The following ANKRD26 variants were observed in gnomAD, a reference collection of about 807,000 sequenced individuals.
The protein encoded by ANKRD26 is ankyrin repeat domain-containing protein 26.
Under a neutral mutation model 208.7 loss-of-function variants are expected in ANKRD26, and 141 were observed. The ratio of observed to expected loss-of-function variants is 0.68; its 90% confidence interval spans 0.59 to 0.78. The LOEUF (loss-of-function observed/expected upper bound fraction) is 0.78, where lower values mean the gene tolerates loss of function less well. Among genes scored for constraint, ANKRD26 ranks in the 30% least tolerant of loss-of-function variants. The pLI, the probability that ANKRD26 is intolerant of heterozygous loss-of-function variation, is 0.00. For synonymous variants in ANKRD26, 636 were observed against 660.4 expected (o/e 0.96, Z 0.57); for missense variants, 1,889 against 1,938.7 (o/e 0.97, Z 0.48).
intron 25 of ANKRD26, among the ~76,000 whole-genome samples, chr10:27,030,102 TC>T (rs1199009344): frequency 6.6e-6 from 1 of 152,240 alleles, no homozygotes; most frequent in Non-Finnish European, 1.5e-5. Context: ...TTTGTGTGAT[TC>T]TTTTTACTGT....
chr10:27,012,820 A>G (rs899158751), intron 32 of ANKRD26, 62 bp downstream of exon 32: 1 of 1,527,730 alleles, frequency 6.5e-7, no homozygotes. Context: ...TCAAAAAAAC[A>G]AACAAAAAAA....
At chr10:27,042,434 T>C (rs938810343) in intron 20 of ANKRD26, among the ~76,000 whole-genome samples, 14 of 150,934 alleles carry the variant, frequency 9.3e-5, no homozygotes, top group African/African-American at 3.4e-4. Flanking sequence ...CTGGCCAACA[T>C]GATGAAACCC....
At chr10:27,046,152 C>T in intron 18 of ANKRD26, 1 of 585,010 alleles carries the variant, frequency 1.7e-6, no homozygotes, top group Admixed American at 3.0e-5. Flanking sequence ...GCCGTCTGTG[C>T]CCATCCACTA....
At chr10:27,026,522 G>T (rs1276263227) in intron 27 of ANKRD26, among the ~76,000 whole-genome samples, 1 of 152,178 alleles carries the variant, frequency 6.6e-6, no homozygotes, top group Non-Finnish European at 1.5e-5. Context: ...TCTGATAGGT[G>T]TATCTGTATA....
At chr10:27,050,677 G>GCCA (rs1442798973) in intron 16 of ANKRD26, among the ~76,000 whole-genome samples, 1 of 152,024 alleles carries the variant, frequency 6.6e-6, no homozygotes, top group Non-Finnish European at 1.5e-5. Context: ...CCACTGTATT[G>GCCA]CCATGTTGTT....
chr10:26,959,210 G>A, the ANKRD26 span, among the ~76,000 whole-genome samples: 12 of 151,702 alleles, frequency 7.9e-5, no homozygotes, highest in African/African-American at 2.4e-4. Flanking sequence ...ACCTGGAGGC[G>A]GAGGTTGCAG....
intron 1 of ANKRD26, among the ~76,000 whole-genome samples, chr10:27,098,798 C>T (rs2056551467): frequency 6.6e-6 from 1 of 152,216 alleles, no homozygotes; most frequent in Non-Finnish European, 1.5e-5. Context: ...ATCCGCCCGC[C>T]TCGGCCTCCC....
the ANKRD26 span, among the ~76,000 whole-genome samples, chr10:26,959,261 G>A: frequency 0.01 from 1,541 of 149,134 alleles, 21 homozygotes; most frequent in African/African-American, 0.032. Context: ...CTCGGTGACA[G>A]AGTGAGATTG....
At chr10:26,965,469 A>G in the ANKRD26 span, among the ~76,000 whole-genome samples, 66 of 152,364 alleles carry the variant, frequency 4.3e-4, no homozygotes, top group African/African-American at 1.5e-3. Flanking sequence ...TACACCTTAT[A>G]CAAAAATTAA....
At chr10:26,986,714 T>G (rs2134645152) in intron 3 of ANKRD26, among the ~76,000 whole-genome samples, 1 of 152,206 alleles carries the variant, frequency 6.6e-6, no homozygotes, top group South Asian at 2.1e-4. Context: ...GAAATGCAAA[T>G]CAAAACCACA....
intron 5 of ANKRD26, 28 bp downstream of exon 5, chr10:27,086,511 A>G (rs2056120609): frequency 6.2e-7 from 1 of 1,602,412 alleles, no homozygotes; most frequent in Non-Finnish European, 8.5e-7. Context: ...TACTATTACC[A>G]AGAGAAATTC....
chr10:26,973,556 C>T (rs2052179520), downstream of ANKRD26, among the ~76,000 whole-genome samples: 1 of 144,866 alleles, frequency 6.9e-6, no homozygotes, highest in African/African-American at 2.6e-5. Context: ...CTGATAATCT[C>T]TTTTTAAAAT....
At chr10:27,018,334 C>T (rs900321265) in intron 29 of ANKRD26, among the ~76,000 whole-genome samples, 1 of 151,708 alleles carries the variant, frequency 6.6e-6, no homozygotes, top group African/African-American at 2.4e-5. Context: ...CAGGGTTTCA[C>T]CATGTTAGCC....
At chr10:26,972,031 C>A (rs186430970), downstream of ANKRD26, among the ~76,000 whole-genome samples, 35 of 151,930 alleles carry the variant, frequency 2.3e-4, no homozygotes, top group South Asian at 4.2e-4. Flanking sequence ...GTCAGGAGAT[C>A]GAGACCATCC....
intron 9 of ANKRD26, chr10:27,077,026 C>A: frequency 3.0e-6 from 1 of 335,172 alleles, no homozygotes; most frequent in Non-Finnish European, 5.5e-6. Flanking sequence ...AATACCAAAG[C>A]CAGAAAAGGA....
downstream of ANKRD26, among the ~76,000 whole-genome samples, chr10:26,990,021 G>A (rs2052457757): frequency 6.6e-6 from 1 of 152,186 alleles, no homozygotes; most frequent in Non-Finnish European, 1.5e-5. Context: ...CTGTAAGGAA[G>A]TGAGGTAGTC....
At chr10:27,049,776 T>C (rs989820642) in intron 16 of ANKRD26, among the ~76,000 whole-genome samples, 4 of 152,200 alleles carry the variant, frequency 2.6e-5, no homozygotes, top group African/African-American at 9.7e-5. Flanking sequence ...TAGCACTTTA[T>C]GGCACCAAAA....
At chr10:27,094,219 C>T (rs2056393654) in intron 1 of ANKRD26, among the ~76,000 whole-genome samples, 2 of 152,192 alleles carry the variant, frequency 1.3e-5, no homozygotes, top group Non-Finnish European at 2.9e-5. Flanking sequence ...AATTAAACCT[C>T]TTTCCTTTAT....
At chr10:27,050,241 A>AG in intron 16 of ANKRD26, among the ~76,000 whole-genome samples, 1 of 149,744 alleles carries the variant, frequency 6.7e-6, no homozygotes, top group Non-Finnish European at 1.5e-5. Flanking sequence ...AAAAAAAAAA[A>AG]AAAAAAGAAA....
Sources: gnomAD v4.1 joint callset for allele counts (sites outside exome capture counted in the v4.1 genomes callset) on GRCh38, gnomAD v4.1.1 for gene constraint, MANE v1.5 for transcripts, NCBI Gene and HGNC (gene_info 2026-07-23, HGNC 2026-07-21) for gene names.